The following TMEFF2 variants were observed in gnomAD, a reference collection of about 807,000 sequenced individuals.
TMEFF2 encodes tomoregulin-2.
Under a neutral mutation model 53.8 loss-of-function variants are expected in TMEFF2, and 28 were observed. That is an observed-to-expected ratio of 0.52 (90% CI 0.39 to 0.71). The LOEUF (loss-of-function observed/expected upper bound fraction) is 0.71. TMEFF2 is among the 30% of genes least tolerant of loss of function. TMEFF2 has a pLI of 0.00. For missense variants in TMEFF2, 353 were observed against 455.2 expected (o/e 0.78, Z 2.04); for synonymous variants, 162 against 166.3 (o/e 0.97, Z 0.20).
intron 4 of TMEFF2, among the ~76,000 whole-genome samples, chr2:192,164,098 C>A (rs1690696545): frequency 6.6e-6 from 1 of 152,142 alleles, no homozygotes; most frequent in Admixed American, 6.5e-5. Context: ...GATGCCAGAG[C>A]AATCTTTTGA....
chr2:192,077,812 ATGTT>A (rs1415923090), intron 4 of TMEFF2, among the ~76,000 whole-genome samples: 12 of 152,068 alleles, frequency 7.9e-5, no homozygotes, highest in Non-Finnish European at 1.5e-4. Context: ...ATATTTGTAT[ATGTT>A]TATATATATA....
chr2:192,084,967 T>C (rs1438801883), intron 4 of TMEFF2, among the ~76,000 whole-genome samples: 1 of 152,184 alleles, frequency 6.6e-6, no homozygotes, highest in African/African-American at 2.4e-5. Context: ...TTTCTTTAAA[T>C]ATTTTAAACT....
At chr2:192,158,377 T>TG (rs10672298) in intron 4 of TMEFF2, among the ~76,000 whole-genome samples, 2 of 151,482 alleles carry the variant, frequency 1.3e-5, no homozygotes, top group African/African-American at 4.9e-5. Context: ...TTATTTTTAA[T>TG]AAAGCTAGAC....
intron 6 of TMEFF2, among the ~76,000 whole-genome samples, chr2:191,998,540 A>G (rs1686278733): frequency 6.6e-6 from 1 of 151,936 alleles, no homozygotes; most frequent in South Asian, 2.1e-4. Flanking sequence ...TTGGGAGAAG[A>G]AGAAGATTCA....
At chr2:192,045,870 T>A (rs1660838576) in intron 5 of TMEFF2, among the ~76,000 whole-genome samples, 2 of 152,192 alleles carry the variant, frequency 1.3e-5, no homozygotes, top group African/African-American at 4.8e-5. Flanking sequence ...GGATATACAT[T>A]TTTCTTCCTG....
intron 4 of TMEFF2, among the ~76,000 whole-genome samples, chr2:192,118,346 C>T (rs956117673): frequency 2.6e-5 from 4 of 152,268 alleles, no homozygotes; most frequent in African/African-American, 7.2e-5. Context: ...CAGGCAACCA[C>T]TTTGCAGTAA....
At position 191,956,348 on chromosome 2, in the gene TMEFF2, C is replaced by CGGACA; in HGVS notation, c.775_776insTGTCC (p.Arg259MetfsTer65). ...TTCCGGACAAGGTATGTGGTGTTCT[C>CGGACA]TGGCACTTTCTTCTAATTTGTTAGC... On this transcript the variant is annotated frameshift_variant, in exon 8 of 10. Transcript: ENST00000272771. LOFTEE classifies it high-confidence loss of function. 2 of 1,613,772 alleles carry CGGACA rather than the reference C, an allele frequency of 1.2e-6. No homozygotes were observed. Among genetic ancestry groups the CGGACA allele is most frequent in the Admixed American group, 3.3e-5 (2 of 59,946 alleles).
chr2:192,011,889 A>C (rs1253612826), intron 5 of TMEFF2, among the ~76,000 whole-genome samples: 1 of 151,974 alleles, frequency 6.6e-6, no homozygotes, highest in East Asian at 1.9e-4. Context: ...ATTTTTACAT[A>C]TTATCTTTTT....
chr2:191,963,767 G>A (rs1449198475), intron 7 of TMEFF2, among the ~76,000 whole-genome samples: 5 of 152,120 alleles, frequency 3.3e-5, no homozygotes, highest in Admixed American at 6.5e-5. Flanking sequence ...CAGTGATTTT[G>A]CTTATTATCT....
rs143829184 is a variant in TMEFF2, at chr2:192,157,530, A to T, written c.439+22138T>A. Among the ~76,000 whole-genome samples, 1,232 of 152,192 alleles carry T rather than the reference A, an allele frequency of 8.1e-3. 19 individuals are homozygous for T. The highest frequency in any genetic ancestry group is 0.028 in the African/African-American group (1,145 of 41,542). ...CACAAGAAGTGTAACACTTATTTGG[A>T]TATACGTTTCTGAAATGATGTCTCC... is the stretch of plus-strand genomic sequence containing the variant. On this transcript the variant is annotated intron_variant, in intron 4 of 9. Transcript: ENST00000272771.
chr2:192,128,129 CCA>C (rs1689722606), intron 4 of TMEFF2, among the ~76,000 whole-genome samples: 2 of 130,668 alleles, frequency 1.5e-5, no homozygotes, highest in Non-Finnish European at 3.2e-5. Context: ...AAACTTAGGT[CCA>C]AATAAATTGC....
chr2:192,062,038 C>T (rs1688057140), intron 4 of TMEFF2, among the ~76,000 whole-genome samples: 1 of 151,374 alleles, frequency 6.6e-6, no homozygotes, highest in Admixed American at 6.6e-5. Context: ...TTAGGTATTC[C>T]TTTAGAGCAA....
At chr2:191,960,780 CTGCATATTTTTAAACA>C (rs1281063488) in intron 7 of TMEFF2, among the ~76,000 whole-genome samples, 1 of 152,158 alleles carries the variant, frequency 6.6e-6, no homozygotes, top group Non-Finnish European at 1.5e-5. Context: ...CAGATCTCCA[CTGCATATTTTTAAACA>C]ACTAGAGCTG....
chr2:192,061,510 A>C (rs1284153299), intron 4 of TMEFF2, among the ~76,000 whole-genome samples: 1 of 152,166 alleles, frequency 6.6e-6, no homozygotes, highest in Admixed American at 6.5e-5. Flanking sequence ...AGGATACAGC[A>C]CTTTATATCA....
At chr2:192,002,117 C>T (rs560103553) in intron 5 of TMEFF2, among the ~76,000 whole-genome samples, 3 of 152,206 alleles carry the variant, frequency 2.0e-5, no homozygotes, top group African/African-American at 4.8e-5. Context: ...TTCCTAGCAT[C>T]GCTTGCTCAA....
At position 192,194,313 on chromosome 2, in the gene TMEFF2, T is replaced by G. The variant is rs765907087; in HGVS notation, c.172+40A>C. ...TCTGTGCTGGATACGCGTGTTCTTCTGCGGAGTTAAAGGGTCGGGGACGGG... is the reference window on the plus strand; with the variant it reads ...TCTGTGCTGGATACGCGTGTTCTTCGGCGGAGTTAAAGGGTCGGGGACGGG... On this transcript the variant is annotated intron_variant, in intron 1 of 9. Transcript: ENST00000272771. This position sits in a 1 kb window ranked among gnomAD's most constrained non-coding sequence, Gnocchi z 4.2. 3 of 1,608,644 alleles carry G rather than the reference T, an allele frequency of 1.9e-6. No individual in the cohort carries two copies. The highest frequency in any genetic ancestry group is 1.7e-5 in the Admixed American group (1 of 59,764).
At chr2:191,987,659 G>T (rs1686011718) in intron 7 of TMEFF2, among the ~76,000 whole-genome samples, 2 of 152,070 alleles carry the variant, frequency 1.3e-5, no homozygotes, top group Non-Finnish European at 2.9e-5. Context: ...TGAGAAAACA[G>T]GTTCTGAGAA....
intron 4 of TMEFF2, among the ~76,000 whole-genome samples, chr2:192,134,793 C>T (rs1559141333): frequency 6.6e-6 from 1 of 152,254 alleles, no homozygotes; most frequent in East Asian, 1.9e-4. Context: ...AGACATAATT[C>T]CTCAGTTTAG....
intron 3 of TMEFF2, among the ~76,000 whole-genome samples, chr2:192,182,137 A>T (rs1559161112): frequency 6.6e-6 from 1 of 151,894 alleles, no homozygotes; most frequent in African/African-American, 2.4e-5. Flanking sequence ...AAAAAAATTA[A>T]GTTCAATGAA....
Sources: allele counts gnomAD v4.1 joint callset (sites outside exome capture counted in the v4.1 genomes callset), GRCh38; gene constraint gnomAD v4.1.1; non-coding constraint Gnocchi (gnomAD v3.1); transcripts MANE v1.5; gene names NCBI Gene and HGNC (gene_info 2026-07-23, HGNC 2026-07-21).